Variants in PTPRG observed in about 807,000 individuals in gnomAD.
PTPRG encodes receptor-type tyrosine-protein phosphatase gamma.
In PTPRG, 102 loss-of-function variants were observed where a neutral mutation model predicts 165.3. The observed-to-expected ratio is 0.62, with a 90% CI of 0.53 to 0.73. The LOEUF (loss-of-function observed/expected upper bound fraction) is 0.73, where lower values mean the gene tolerates loss of function less well. Among genes scored for constraint, PTPRG ranks in the 30% least tolerant of loss-of-function variants. The pLI is 0.00. For synonymous variants in PTPRG, 675 were observed against 669.5 expected (o/e 1.01, Z -0.13); for missense variants, 1,866 against 1,861.4 (o/e 1.00, Z -0.05).
At chr3:61,602,027 A>T (rs2106849219) in intron 1 of PTPRG, among the ~76,000 whole-genome samples, 1 of 152,314 alleles carries the variant, frequency 6.6e-6, no homozygotes, top group South Asian at 2.1e-4. Context: ...GTGATTAGGA[A>T]ACAGTGGTGG....
intron 1 of PTPRG, among the ~76,000 whole-genome samples, chr3:61,744,175 A>G (rs904437748): frequency 2.6e-5 from 4 of 152,190 alleles, no homozygotes; most frequent in African/African-American, 4.8e-5. Flanking sequence ...AATATACTCT[A>G]TATATACTTT....
rs2148907706 is a variant in PTPRG at position 62,293,696 on chromosome 3, C to G, written c.*389C>G. On this transcript the variant is annotated 3_prime_UTR_variant, in exon 30 of 30. Coordinates refer to ENST00000474889, the MANE Select transcript of PTPRG (RefSeq NM_002841.4). ...TTATTATTGCTGAAGTGGTTGCATT[C>G]TACTAGCAGGCAATGCTGTACTTTT... 1 of 156,524 alleles carries G rather than the reference C, an allele frequency of 6.4e-6. No homozygotes were observed. Among genetic ancestry groups the G allele is most frequent in the Non-Finnish European group, 1.4e-5 (1 of 70,628 alleles). 9.7% of individuals were successfully genotyped at this position (156,524 alleles called of 1,614,324 possible).
rs146728481 is a variant in PTPRG at position 61,691,818 on chromosome 3, T to C, written c.86-57060T>C. Among the ~76,000 whole-genome samples, 553 of 152,240 alleles carry C rather than the reference T, an allele frequency of 3.6e-3. 6 individuals are homozygous for C. The highest frequency in any genetic ancestry group is 0.012 in the African/African-American group (518 of 41,536). ...TAAAATTTTAATATCATAAAAAGCA[T>C]ATGGGGCTTTCCTAAGGTCTGAGAG... On this transcript the variant is annotated intron_variant, in intron 1 of 29. Transcript: ENST00000474889.
chr3:61,729,392 A>C (rs757631612), intron 1 of PTPRG, among the ~76,000 whole-genome samples: 66 of 152,126 alleles, frequency 4.3e-4, no homozygotes, highest in Non-Finnish European at 8.8e-4. Context: ...AAAAACCGCT[A>C]TATTTTTGGG....
At position 62,027,952 on chromosome 3, in the gene PTPRG, G is replaced by T. The variant is rs181213878; in HGVS notation, c.519+24455G>T. On this transcript the variant is annotated intron_variant, in intron 4 of 29. Transcript: ENST00000474889. ...GTTGGTGCCCAACTGCTCCGGGCAA[G>T]TGTTTGCAACTCGTGATTATTTATT... 1.1e-3 allele frequency among the ~76,000 whole-genome samples: 174 copies of T among 152,314 alleles called. 1 individual carries two copies. The highest frequency in any genetic ancestry group is 3.9e-3 in the African/African-American group (164 of 41,570).
intron 2 of PTPRG, among the ~76,000 whole-genome samples, chr3:61,923,350 C>G (rs912121634): frequency 6.6e-6 from 1 of 152,130 alleles, no homozygotes; most frequent in Non-Finnish European, 1.5e-5. Context: ...CATATCTTTA[C>G]TTGCTCCGTG....
intron 4 of PTPRG, among the ~76,000 whole-genome samples, chr3:62,015,523 T>C (rs1041665813): frequency 6.6e-6 from 1 of 152,238 alleles, no homozygotes; most frequent in Non-Finnish European, 1.5e-5. Context: ...AATTTTTTTT[T>C]ACAACCCAAG....
intron 1 of PTPRG, among the ~76,000 whole-genome samples, chr3:61,646,533 A>G (rs1702205497): frequency 6.6e-6 from 1 of 152,154 alleles, no homozygotes. Context: ...CCCTTTCCCC[A>G]GCCTCCCCCA....
chr3:61,727,354 G>T (rs1039279809), intron 1 of PTPRG, among the ~76,000 whole-genome samples: 2 of 151,998 alleles, frequency 1.3e-5, no homozygotes, highest in African/African-American at 2.4e-5. Flanking sequence ...CAGGGTTTTG[G>T]ACGGTTGGCC....
intron 4 of PTPRG, among the ~76,000 whole-genome samples, chr3:62,065,548 C>G (rs1239176663): frequency 6.6e-6 from 1 of 152,168 alleles, no homozygotes; most frequent in Non-Finnish European, 1.5e-5. Flanking sequence ...GATCAGTCAT[C>G]TGACCAATGC....
At chr3:62,109,512 T>C (rs867344248) in intron 5 of PTPRG, among the ~76,000 whole-genome samples, 11 of 152,294 alleles carry the variant, frequency 7.2e-5, no homozygotes, top group African/African-American at 2.4e-4. Flanking sequence ...TGCCCAGGAT[T>C]GTCTTGGTTA....
chr3:62,191,624 AC>A lies in PTPRG; in HGVS notation c.1190del (p.Thr397SerfsTer10). On this transcript the variant is annotated frameshift_variant, in exon 9 of 30. Transcript: ENST00000474889. LOFTEE classifies it high-confidence loss of function. ...WTKNEDEKEK[T>X]FTKDSDKDLK... The stretch of plus-strand genomic sequence containing the variant: ...CAAGAATGAGGACGAGAAGGAGAAG[AC>A]GTTTACAAAGGACAGCGACAAAGAC... The A allele has an allele frequency of 6.2e-7, 1 of 1,614,168 alleles. No individual in the cohort carries two copies. Among genetic ancestry groups the A allele is most frequent in the Non-Finnish European group, 8.5e-7 (1 of 1,180,016 alleles).
chr3:61,755,085 G>A (rs1363697448), intron 2 of PTPRG, among the ~76,000 whole-genome samples: 1 of 151,808 alleles, frequency 6.6e-6, no homozygotes, highest in Non-Finnish European at 1.5e-5. Flanking sequence ...TCAGCTCACT[G>A]CAACCTCCGC....
intron 2 of PTPRG, among the ~76,000 whole-genome samples, chr3:61,916,907 T>C (rs1156368028): frequency 1.3e-5 from 2 of 152,230 alleles, no homozygotes; most frequent in Non-Finnish European, 2.9e-5. Flanking sequence ...AGTTTAAACA[T>C]TATAACATTC....
chr3:61,768,285 C>CT (rs1214391677), intron 2 of PTPRG, among the ~76,000 whole-genome samples: 4 of 152,160 alleles, frequency 2.6e-5, no homozygotes, highest in Non-Finnish European at 4.4e-5. Flanking sequence ...GGGATATTTA[C>CT]TACAGGAATT....
chr3:62,144,405 T>G (rs1393479861), intron 6 of PTPRG, among the ~76,000 whole-genome samples: 1 of 152,242 alleles, frequency 6.6e-6, no homozygotes, highest in East Asian at 1.9e-4. Context: ...GGTTCTGTTT[T>G]AATGTTTAAC....
At position 62,267,397 on chromosome 3, in the gene PTPRG, T is replaced by G; in HGVS notation, c.2657-13T>G. ...TCCATTTTATTTCTGTTTTTTTTTC[T>G]TATCTTCTATAGATGATCACAGTAG... On this transcript the variant is annotated splice_polypyrimidine_tract_variant and intron_variant, in intron 17 of 29. Transcript: ENST00000474889. The G allele has an allele frequency of 6.4e-7, 1 of 1,560,782 alleles. No individual in the cohort carries two copies.
At chr3:62,265,577 CA>C (rs1701836783) in intron 17 of PTPRG, among the ~76,000 whole-genome samples, 1 of 152,028 alleles carries the variant, frequency 6.6e-6, no homozygotes, top group Non-Finnish European at 1.5e-5. Context: ...TAAAATGTTA[CA>C]AAAACTCCAA....
At chr3:62,165,380 T>C (rs4505694) in intron 7 of PTPRG, among the ~76,000 whole-genome samples, 23,123 of 152,270 alleles carry the variant, frequency 0.15, 2,154 homozygotes, top group African/African-American at 0.25. Context: ...TTGGTAGTCC[T>C]GTCAAGTGAG....
Sources: allele counts gnomAD v4.1 joint callset (sites outside exome capture counted in the v4.1 genomes callset), GRCh38; gene constraint gnomAD v4.1.1; transcripts MANE v1.5; gene names NCBI Gene and HGNC (gene_info 2026-07-23, HGNC 2026-07-21).